PRKN: variants seen among roughly 807,000 people sequenced by gnomAD.
The protein encoded by PRKN is parkin RBR E3 ubiquitin protein ligase.
In PRKN, 56 loss-of-function variants were observed where a neutral mutation model predicts 59.5. The ratio of observed to expected loss-of-function variants is 0.94; its 90% CI spans 0.76 to 1.18. The LOEUF (loss-of-function observed/expected upper bound fraction) is 1.18. Among genes scored for constraint, PRKN ranks in the 50% most tolerant of loss-of-function variants. The pLI, the probability that PRKN is intolerant of heterozygous loss-of-function variation, is 0.00. For missense variants in PRKN, 657 were observed against 596.4 expected (o/e 1.10, Z -1.06); for synonymous variants, 250 against 222.1 (o/e 1.13, Z -1.12).
Position 162,137,929 on chromosome 6 carries a change from A to T in PRKN, c.534+63202T>A, listed in dbSNP as rs1018463618. Among the ~76,000 whole-genome samples the T allele has an allele frequency of 4.6e-5, 7 of 152,148 alleles. No individual in the cohort carries two copies. In the South Asian group the frequency reaches 1.4e-3, roughly 32 times the overall value. ...ATATATATAAAATACATATGATTGG[A>T]CTGAGGTAATGCGGGACTGTGATCC... On this transcript the variant is annotated intron_variant, in intron 4 of 11. Coordinates refer to ENST00000366898, the MANE Select transcript of PRKN (RefSeq NM_004562.3).
intron 4 of PRKN, among the ~76,000 whole-genome samples, chr6:162,160,865 T>C (rs1168173711): frequency 8.7e-6 from 1 of 114,600 alleles, no homozygotes; most frequent in Non-Finnish European, 1.6e-5. Flanking sequence ...TACTCCAGCC[T>C]GGGCAACACA....
intron 2 of PRKN, among the ~76,000 whole-genome samples, chr6:162,364,041 C>T (rs1000430561): frequency 6.6e-6 from 1 of 152,200 alleles, no homozygotes; most frequent in Non-Finnish European, 1.5e-5. Context: ...CTGCTGAGCA[C>T]TGTGTAATAA....
intron 5 of PRKN, among the ~76,000 whole-genome samples, chr6:161,986,993 CT>C (rs1442162962): frequency 6.6e-6 from 1 of 152,094 alleles, no homozygotes; most frequent in Non-Finnish European, 1.5e-5. Context: ...GGAATCTAAA[CT>C]TTTTTCGTTC....
chr6:161,633,021 T>C (rs1375835068), intron 7 of PRKN, among the ~76,000 whole-genome samples: 1 of 152,198 alleles, frequency 6.6e-6, no homozygotes, highest in Admixed American at 6.5e-5. Flanking sequence ...GTTAGACCTA[T>C]GATTATCTAA....
chr6:161,900,722 A>C (rs1777875182), intron 6 of PRKN, among the ~76,000 whole-genome samples: 1 of 129,256 alleles, frequency 7.7e-6, no homozygotes, highest in African/African-American at 2.9e-5. Flanking sequence ...AATATATAAT[A>C]CATTATGTAT....
chr6:162,658,461 A>G (rs1778742028), intron 1 of PRKN, among the ~76,000 whole-genome samples: 1 of 152,164 alleles, frequency 6.6e-6, no homozygotes, highest in South Asian at 2.1e-4. Flanking sequence ...AAGGAGTTCA[A>G]GATCAGCCTA....
At chr6:162,387,573 G>GAGAC (rs1786916237) in intron 2 of PRKN, among the ~76,000 whole-genome samples, 1 of 144,114 alleles carries the variant, frequency 6.9e-6, no homozygotes, top group Non-Finnish European at 1.5e-5. Flanking sequence ...GAGAGAGAGA[G>GAGAC]AGAGAGAGAG....
chr6:161,541,633 C>T (rs1225113910), intron 9 of PRKN, among the ~76,000 whole-genome samples: 1 of 152,042 alleles, frequency 6.6e-6, no homozygotes, highest in Non-Finnish European at 1.5e-5. Flanking sequence ...CCAGCCTGAC[C>T]AACATGGTGC....
At chr6:162,142,324 G>A (rs1781824433) in intron 4 of PRKN, among the ~76,000 whole-genome samples, 1 of 152,204 alleles carries the variant, frequency 6.6e-6, no homozygotes, top group African/African-American at 2.4e-5. Context: ...GCATCCGGCA[G>A]TCAGACTTCC....
intron 5 of PRKN, among the ~76,000 whole-genome samples, chr6:161,989,975 C>T (rs1781582443): frequency 6.6e-6 from 1 of 152,154 alleles, no homozygotes; most frequent in South Asian, 2.1e-4. Context: ...CTGCCACCAC[C>T]ACCACTGGTG....
At chr6:162,147,438 T>C (rs1410461991) in intron 4 of PRKN, among the ~76,000 whole-genome samples, 1 of 151,806 alleles carries the variant, frequency 6.6e-6, no homozygotes, top group African/African-American at 2.4e-5. Context: ...TGTATTGATG[T>C]TGCAACCTCA....
At chr6:162,475,525 A>C (rs1452558345) in intron 1 of PRKN, among the ~76,000 whole-genome samples, 2 of 152,328 alleles carry the variant, frequency 1.3e-5, no homozygotes, top group East Asian at 3.9e-4. Flanking sequence ...AGAACCGCGC[A>C]GGTACATGCA....
chr6:161,668,303 G>C (rs1784793365), intron 7 of PRKN, among the ~76,000 whole-genome samples: 1 of 147,612 alleles, frequency 6.8e-6, no homozygotes. Flanking sequence ...TTGGCATCTT[G>C]AATGTCATGG....
At chr6:162,415,335 T>C (rs1788575405) in intron 2 of PRKN, among the ~76,000 whole-genome samples, 1 of 152,142 alleles carries the variant, frequency 6.6e-6, no homozygotes, top group Admixed American at 6.5e-5. Context: ...GCAGCAATTG[T>C]GTGGAGGCAA....
At chr6:162,357,507 T>C (rs182316952) in intron 2 of PRKN, among the ~76,000 whole-genome samples, 35 of 152,276 alleles carry the variant, frequency 2.3e-4, no homozygotes, top group Middle Eastern at 3.4e-3. Context: ...AGTGAGAATG[T>C]GGAGCAAAAA....
At chr6:161,945,197 A>G (rs1583386305) in intron 6 of PRKN, among the ~76,000 whole-genome samples, 1 of 152,180 alleles carries the variant, frequency 6.6e-6, no homozygotes, top group East Asian at 1.9e-4. Context: ...AATAAGCATC[A>G]GAAATAATGG....
At chr6:162,658,291 T>C (rs781584968) in intron 1 of PRKN, among the ~76,000 whole-genome samples, 5 of 152,204 alleles carry the variant, frequency 3.3e-5, no homozygotes, top group Non-Finnish European at 7.3e-5. Context: ...ATAAAATGCT[T>C]GTGAAGAGTC....
In PRKN at chr6:161,424,864, A is replaced by T. The variant is rs73782899; in HGVS notation, c.1084-37987T>A. On this transcript the variant is annotated intron_variant, in intron 9 of 11. Transcript: ENST00000366898. The stretch of plus-strand genomic sequence containing the variant: ...TGTGACAGCAATGTGAAGCGTCTTT[A>T]CATCTTAATTCTAAGAGACAGCAGC... 1.1e-3 allele frequency among the ~76,000 whole-genome samples: 160 copies of T among 152,288 alleles called. 1 individual carries two copies. Among genetic ancestry groups the T allele is most frequent in the African/African-American group, 3.7e-3 (154 of 41,546 alleles).
At chr6:162,011,221 TA>T (rs543389035) in intron 5 of PRKN, among the ~76,000 whole-genome samples, 39 of 52,836 alleles carry the variant, frequency 7.4e-4, no homozygotes, top group South Asian at 1.9e-3. Flanking sequence ...ATATAGTATA[TA>T]TTTATAATAT....
Sources: gnomAD v4.1 joint callset for allele counts (sites outside exome capture counted in the v4.1 genomes callset) on GRCh38, gnomAD v4.1.1 for gene constraint, MANE v1.5 for transcripts, NCBI Gene and HGNC (gene_info 2026-07-23, HGNC 2026-07-21) for gene names.